Variants in PARD3B observed in about 807,000 individuals in gnomAD.
PARD3B encodes partitioning defective 3 homolog B.
PARD3B carries 103 observed loss-of-function variants against 130.2 expected under a neutral mutation model. The ratio of observed to expected loss-of-function variants is 0.79; its 90% CI spans 0.67 to 0.93. The LOEUF (loss-of-function observed/expected upper bound fraction) is 0.93, where lower values mean the gene tolerates loss of function less well. PARD3B is among the 40% of genes least tolerant of loss of function. PARD3B has a pLI of 0.00. For missense variants in PARD3B, 1,609 were observed against 1,499.2 expected (o/e 1.07, Z -1.21); for synonymous variants, 583 against 553.2 (o/e 1.05, Z -0.76).
At chr2:204,919,823 C>T (rs2047595898) in intron 2 of PARD3B, among the ~76,000 whole-genome samples, 1 of 152,100 alleles carries the variant, frequency 6.6e-6, no homozygotes, top group Admixed American at 6.6e-5. Context: ...TTTCTAGAAA[C>T]ACTGTGTATA....
At chr2:204,823,751 C>A (rs2043459638) in intron 2 of PARD3B, among the ~76,000 whole-genome samples, 1 of 152,020 alleles carries the variant, frequency 6.6e-6, no homozygotes, top group African/African-American at 2.4e-5. Context: ...ACCAGCTGGA[C>A]CAGTATGGTG....
At chr2:205,251,502 T>C (rs1007303339) in intron 16 of PARD3B, among the ~76,000 whole-genome samples, 1 of 152,140 alleles carries the variant, frequency 6.6e-6, no homozygotes, top group South Asian at 2.1e-4. Flanking sequence ...AATTTCTAGA[T>C]CCTTGCAAAA....
intron 2 of PARD3B, among the ~76,000 whole-genome samples, chr2:204,865,523 G>T (rs528127927): frequency 8.5e-5 from 13 of 152,314 alleles, no homozygotes; most frequent in Admixed American, 4.6e-4. Context: ...TCTAAGTGAA[G>T]TAACTCAGGA....
chr2:204,862,947 C>T (rs966989001), intron 2 of PARD3B, among the ~76,000 whole-genome samples: 4 of 152,176 alleles, frequency 2.6e-5, no homozygotes, highest in African/African-American at 4.8e-5. Context: ...ACTGAAGAAG[C>T]CACAGGCTCC....
chr2:205,068,149 A>G (rs866252694), intron 4 of PARD3B, among the ~76,000 whole-genome samples: 2 of 152,124 alleles, frequency 1.3e-5, no homozygotes, highest in African/African-American at 4.8e-5. Context: ...GACTGTGCGT[A>G]TGTGTTGTTT....
At chr2:205,445,402 A>T (rs959689893) in intron 20 of PARD3B, among the ~76,000 whole-genome samples, 4 of 152,202 alleles carry the variant, frequency 2.6e-5, no homozygotes, top group African/African-American at 7.2e-5. Flanking sequence ...AGGAAGCATG[A>T]TGCTGGCATC....
intron 19 of PARD3B, among the ~76,000 whole-genome samples, chr2:205,416,077 G>T (rs1214526778): frequency 2.0e-5 from 3 of 152,020 alleles, no homozygotes; most frequent in Non-Finnish European, 2.9e-5. Flanking sequence ...ACAGTTTCAA[G>T]CATAGACTAG....
chr2:204,947,915 A>C (rs1348296383), intron 2 of PARD3B, among the ~76,000 whole-genome samples: 1 of 152,208 alleles, frequency 6.6e-6, no homozygotes, highest in Non-Finnish European at 1.5e-5. Flanking sequence ...ATTTTGCACC[A>C]AAAACTACTT....
intron 16 of PARD3B, among the ~76,000 whole-genome samples, chr2:205,257,073 T>G (rs113009052): frequency 2.0e-5 from 3 of 152,116 alleles, no homozygotes; most frequent in African/African-American, 4.8e-5. Flanking sequence ...TAGAGGCCCA[T>G]GATGCCCAAC....
chr2:204,656,807 A>C (rs1263515123), intron 1 of PARD3B, among the ~76,000 whole-genome samples: 3 of 152,202 alleles, frequency 2.0e-5, no homozygotes, highest in African/African-American at 7.2e-5. Flanking sequence ...CAAATGCCTA[A>C]ACCCTCATGT....
At chr2:204,934,243 C>A (rs1266035546) in intron 2 of PARD3B, among the ~76,000 whole-genome samples, 1 of 152,132 alleles carries the variant, frequency 6.6e-6, no homozygotes, top group African/African-American at 2.4e-5. Context: ...GCAAGATTTG[C>A]TAAAGGGAAC....
intron 4 of PARD3B, among the ~76,000 whole-genome samples, chr2:205,071,009 A>C (rs866989434): frequency 5.9e-5 from 9 of 152,108 alleles, no homozygotes; most frequent in South Asian, 4.2e-4. Context: ...AAAAAAAAAA[A>C]CCACTTAATT....
At chr2:205,071,666 C>T (rs539196516) in intron 4 of PARD3B, among the ~76,000 whole-genome samples, 1 of 152,258 alleles carries the variant, frequency 6.6e-6, no homozygotes, top group East Asian at 1.9e-4. Context: ...ACCATCAAAG[C>T]ATTAACATGT....
intron 2 of PARD3B, among the ~76,000 whole-genome samples, chr2:204,762,195 G>C (rs933764585): frequency 1.5e-5 from 2 of 136,272 alleles, no homozygotes; most frequent in African/African-American, 5.6e-5. Flanking sequence ...AATCTCGGCT[G>C]ACTGCAACCT....
intron 4 of PARD3B, among the ~76,000 whole-genome samples, chr2:205,065,315 AGTT>A (rs551703177): frequency 6.6e-6 from 1 of 152,232 alleles, no homozygotes; most frequent in Non-Finnish European, 1.5e-5. Flanking sequence ...GAAATTGTGA[AGTT>A]GTAAAAACAG....
At chr2:205,210,870 T>C (rs1279702482) in intron 15 of PARD3B, among the ~76,000 whole-genome samples, 1 of 152,112 alleles carries the variant, frequency 6.6e-6, no homozygotes, top group Non-Finnish European at 1.5e-5. Context: ...AGGCTGAAAA[T>C]TTCTAAAGTA....
chr2:205,503,025 C>T (rs927671473), intron 21 of PARD3B, among the ~76,000 whole-genome samples: 2 of 148,036 alleles, frequency 1.4e-5, no homozygotes, highest in Admixed American at 1.3e-4. Context: ...CTCCCCTCTC[C>T]CCTCTCTCTT....
chr2:205,277,238 A>T (rs754725398), intron 16 of PARD3B, among the ~76,000 whole-genome samples: 3 of 152,200 alleles, frequency 2.0e-5, no homozygotes, highest in Non-Finnish European at 2.9e-5. Flanking sequence ...CAAACAATGT[A>T]CAGAATGGGG....
At chr2:205,543,799 GA>G (rs2052271533) in intron 21 of PARD3B, among the ~76,000 whole-genome samples, 1 of 152,200 alleles carries the variant, frequency 6.6e-6, no homozygotes, top group Non-Finnish European at 1.5e-5. Context: ...GAAGTGACCA[GA>G]ACTTGCCAAC....
Sources: gnomAD v4.1 joint callset for allele counts (sites outside exome capture counted in the v4.1 genomes callset) on GRCh38, gnomAD v4.1.1 for gene constraint, MANE v1.5 for transcripts, NCBI Gene and HGNC (gene_info 2026-07-23, HGNC 2026-07-21) for gene names.